The following VTCN1 variants were observed in gnomAD, a reference collection of about 807,000 sequenced individuals.
The protein encoded by VTCN1 is V-set domain-containing T-cell activation inhibitor 1.
Under a neutral mutation model 26.5 loss-of-function variants are expected in VTCN1, and 26 were observed. That is an observed-to-expected ratio of 0.98 (90% CI 0.72 to 1.36). VTCN1 has a LOEUF of 1.36. Among genes scored for constraint, VTCN1 ranks in the 40% most tolerant of loss-of-function variants. The probability of loss-of-function intolerance (pLI) is 0.00; values close to 1 mark genes in which losing one functional copy is unlikely to be tolerated. For missense variants in VTCN1, 298 were observed against 337.7 expected (o/e 0.88, Z 0.92); for synonymous variants, 116 against 130.7 (o/e 0.89, Z 0.77).
At position 117,180,409 on chromosome 1, in the gene VTCN1, C is replaced by T. The variant is rs931033813; in HGVS notation, c.33-10238G>A. On this transcript the variant is annotated intron_variant, in intron 1 of 5. Coordinates refer to ENST00000369458, the MANE Select transcript of VTCN1 (RefSeq NM_024626.4). ...TGTAAGGTTGATTACCAGTCCTTTT[C>T]GTAATCATACCTGTGTTTCCTGCTC... 5.3e-5 allele frequency among the ~76,000 whole-genome samples: 8 copies of T among 152,152 alleles called. No individual in the cohort carries two copies. In the East Asian group the frequency reaches 1.2e-3, roughly 22 times the overall value.
chr1:117,153,012 A>G, intron 4 of VTCN1, 79 bp downstream of exon 4: 19 of 1,505,048 alleles, frequency 1.3e-5, no homozygotes, highest in Non-Finnish European at 1.7e-5. Context: ...CTTGGTATAT[A>G]TCTATTAATG....
In VTCN1 at chr1:117,175,045, C is replaced by G. The variant is rs1312565696; in HGVS notation, c.33-4874G>C. On this transcript the variant is annotated intron_variant, in intron 1 of 5. Transcript: ENST00000369458. This position sits in a 1 kb window ranked among gnomAD's most constrained non-coding sequence, Gnocchi z 4.2. ...TGCAGCCTGGAATTCTGTCTCCATT[C>G]CTGAGGAGGGCCTGGTTCGATTCCC... Among the ~76,000 whole-genome samples the G allele has an allele frequency of 6.6e-6, 1 of 152,166 alleles. No individual in the cohort carries two copies. Among genetic ancestry groups the G allele is most frequent in the East Asian group, 1.9e-4 (1 of 5,188 alleles).
chr1:117,162,533 G>A (rs1652418640), intron 2 of VTCN1, among the ~76,000 whole-genome samples: 1 of 152,160 alleles, frequency 6.6e-6, no homozygotes, highest in African/African-American at 2.4e-5. Flanking sequence ...ACCCCATGGA[G>A]ATGGGCTAGA....
intron 4 of VTCN1, among the ~76,000 whole-genome samples, chr1:117,152,868 T>G (rs1352925961): frequency 2.6e-5 from 4 of 152,164 alleles, no homozygotes; most frequent in African/African-American, 9.7e-5. Context: ...GCATACAAGA[T>G]GAAACCTAAT....
At chr1:117,203,489 A>G in intron 1 of VTCN1, 2 of 531,010 alleles carry the variant, frequency 3.8e-6, no homozygotes, top group South Asian at 1.6e-4. Flanking sequence ...CCTCTTTCCC[A>G]TGACCGCTGT....
At position 117,167,416 on chromosome 1, in the gene VTCN1, C is replaced by T. The variant is rs1652676969; in HGVS notation, c.97+2691G>A. 6.6e-6 allele frequency among the ~76,000 whole-genome samples: 1 copy of T among 152,172 alleles called. No homozygotes were observed. The highest frequency in any genetic ancestry group is 1.5e-5 in the Non-Finnish European group (1 of 68,040). ...ATTCTACCTTTGACCAGCAGAGATCCATTTGCCTGTTTTTGAACTTCATAT... is the reference window on the plus strand; with the variant it reads ...ATTCTACCTTTGACCAGCAGAGATCTATTTGCCTGTTTTTGAACTTCATAT... On this transcript the variant is annotated intron_variant, in intron 2 of 5. Coordinates refer to ENST00000369458, the MANE Select transcript of VTCN1 (RefSeq NM_024626.4). The surrounding 1 kb of genome is among the most constrained non-coding windows in gnomAD (Gnocchi z 4.1).
At chr1:117,204,053 G>A (rs1266177517) in intron 1 of VTCN1, among the ~76,000 whole-genome samples, 1 of 152,190 alleles carries the variant, frequency 6.6e-6, no homozygotes, top group Non-Finnish European at 1.5e-5. Flanking sequence ...GACGATGTCT[G>A]AGTCCATTGA....
chr1:117,198,544 A>C (rs1648627143), intron 1 of VTCN1, among the ~76,000 whole-genome samples: 1 of 152,156 alleles, frequency 6.6e-6, no homozygotes, highest in South Asian at 2.1e-4. Flanking sequence ...ATTAATTCAA[A>C]TTCTGGCTAC....
chr1:117,203,697 G>A (rs1648904959), intron 1 of VTCN1: 1 of 985,246 alleles, frequency 1.0e-6, no homozygotes, highest in African/African-American at 1.7e-5. Flanking sequence ...AAAGAAGAAT[G>A]TGGAATGATA....
At chr1:117,203,772 G>A (rs1648907885) in intron 1 of VTCN1, 1 of 985,250 alleles carries the variant, frequency 1.0e-6, no homozygotes, top group Non-Finnish European at 1.2e-6. Context: ...GAGGAATCAG[G>A]GAGCACAGAG....
At chr1:117,162,652 T>C (rs147194147) in intron 2 of VTCN1, among the ~76,000 whole-genome samples, 8 of 152,278 alleles carry the variant, frequency 5.3e-5, no homozygotes, top group African/African-American at 1.9e-4. Context: ...ACTGAGCCAC[T>C]TACTGAAAAT....
Position 117,156,672 on chromosome 1 carries a change from C to T in VTCN1, c.347G>A (p.Arg116Gln), listed in dbSNP as rs767710032. The change falls in exon 3 of 6, where the codon CGG (arginine) becomes CAG (glutamine). Residue 116 changes from arginine (R) to glutamine (Q), a missense_variant. Physicochemically the swap from Arg to Gln is conservative, Grantham distance 43. Transcript: ENST00000369458. ...DQVIVGNASL[R>Q]LKNVQLTDAG... ...ATCTGTGAGTTGCACGTTTTTCAGC[C>T]GCAAAGAGGCATTGCCAACTATCAC... 36 of 1,613,936 alleles carry T rather than the reference C, an allele frequency of 2.2e-5. No individual in the cohort carries two copies. In the African/African-American group the frequency reaches 2.4e-4, roughly 11 times the overall value.
At chr1:117,209,190 A>G (rs1649240134) in intron 1 of VTCN1, among the ~76,000 whole-genome samples, 1 of 152,214 alleles carries the variant, frequency 6.6e-6, no homozygotes, top group Non-Finnish European at 1.5e-5. Context: ...TGTTGATTCC[A>G]GTGGGTTTCT....
chr1:117,172,658 T>C (rs1172077429), intron 1 of VTCN1, among the ~76,000 whole-genome samples: 2 of 152,152 alleles, frequency 1.3e-5, no homozygotes, highest in East Asian at 1.9e-4. Flanking sequence ...CACATTCACA[T>C]GTTGAAGTCC....
At chr1:117,189,247 C>G (rs1009612173) in intron 1 of VTCN1, among the ~76,000 whole-genome samples, 8 of 152,164 alleles carry the variant, frequency 5.3e-5, no homozygotes, top group African/African-American at 1.4e-4. Flanking sequence ...CTGTGCCTAC[C>G]CTGCTGCCTA....
intron 1 of VTCN1, among the ~76,000 whole-genome samples, chr1:117,184,671 C>A (rs1647850473): frequency 6.6e-6 from 1 of 152,012 alleles, no homozygotes; most frequent in South Asian, 2.1e-4. Context: ...CACTTGGTGC[C>A]CTTCTTCATG....
intron 2 of VTCN1, among the ~76,000 whole-genome samples, chr1:117,160,326 C>G (rs1232666541): frequency 1.3e-5 from 2 of 152,156 alleles, no homozygotes; most frequent in African/African-American, 4.8e-5. Context: ...CCAAAAAAGC[C>G]CAACATAACG....
At position 117,167,150 on chromosome 1, in the gene VTCN1, CATT is replaced by C. The variant is rs1652663097; in HGVS notation, c.97+2954_97+2956del. 6.6e-6 allele frequency among the ~76,000 whole-genome samples: 1 copy of C among 150,946 alleles called. No homozygotes were observed. Among genetic ancestry groups the C allele is most frequent in the South Asian group, 2.1e-4 (1 of 4,794 alleles). On this transcript the variant is annotated intron_variant, in intron 2 of 5. Transcript: ENST00000369458. This position sits in a 1 kb window ranked among gnomAD's most constrained non-coding sequence, Gnocchi z 4.1. The stretch of plus-strand genomic sequence containing the variant: ...ATAAAATGTATATATACATACATGA[CATT>C]ATATGCATTTTATGTTTTTATATAT...
chr1:117,170,733 T>C (rs536185709), intron 1 of VTCN1, among the ~76,000 whole-genome samples: 1 of 152,318 alleles, frequency 6.6e-6, no homozygotes, highest in Admixed American at 6.5e-5. Context: ...ACATATTTAC[T>C]ACAGAAAGTT....
Sources: allele counts gnomAD v4.1 joint callset (sites outside exome capture counted in the v4.1 genomes callset), GRCh38; gene constraint gnomAD v4.1.1; non-coding constraint Gnocchi (gnomAD v3.1); transcripts MANE v1.5; gene names NCBI Gene and HGNC (gene_info 2026-07-23, HGNC 2026-07-21).